Variants in TM9SF2 observed in about 807,000 individuals in gnomAD.
The protein encoded by TM9SF2 is transmembrane 9 superfamily member 2, also known as 76 kDa membrane protein.
A neutral mutation model predicts 84.9 loss-of-function variants in TM9SF2; 13 were observed. The observed-to-expected ratio is 0.15, with a 90% CI of 0.10 to 0.24. TM9SF2 has a LOEUF of 0.24. Ranked by LOEUF, TM9SF2 falls within the 10% of genes least tolerant of loss-of-function variation. The pLI is 1.00. For missense variants in TM9SF2, 562 were observed against 818.5 expected, an observed-to-expected ratio of 0.69 and a Z score of 3.82; for synonymous variants, 273 against 285.8, an observed-to-expected ratio of 0.96 and a Z score of 0.45.
chr13:99,548,738 A>G (rs529891794), intron 11 of TM9SF2, among the ~76,000 whole-genome samples: 1 of 152,326 alleles, frequency 6.6e-6, no homozygotes, highest in South Asian at 2.1e-4. Context: ...CTAGAGGAAG[A>G]GTTGGCCTAC....
chr13:99,535,730 C>T (rs1653737384), intron 4 of TM9SF2, among the ~76,000 whole-genome samples: 1 of 152,052 alleles, frequency 6.6e-6, no homozygotes, highest in African/African-American at 2.4e-5. Flanking sequence ...ATAAAACATG[C>T]CCTGGAGTGT....
At chr13:99,553,402 G>A (rs1384407715) in intron 13 of TM9SF2, among the ~76,000 whole-genome samples, 2 of 152,294 alleles carry the variant, frequency 1.3e-5, no homozygotes, top group Non-Finnish European at 2.9e-5. Flanking sequence ...GTAGTGAACT[G>A]ACAGGGTTTG....
At chr13:99,512,554 A>AC (rs906381020) in intron 1 of TM9SF2, among the ~76,000 whole-genome samples, 39 of 151,772 alleles carry the variant, frequency 2.6e-4, no homozygotes, top group African/African-American at 8.7e-4. Context: ...GGGTGTGAAA[A>AC]CCCCCCGTGG....
At chr13:99,533,081 C>T (rs920691430) in intron 4 of TM9SF2, among the ~76,000 whole-genome samples, 1 of 152,138 alleles carries the variant, frequency 6.6e-6, no homozygotes, top group African/African-American at 2.4e-5. Flanking sequence ...TAAGCATAGA[C>T]AGTAGAGTTG....
chr13:99,559,212 G>A, intron 15 of TM9SF2, 151 bp from the exon 16 acceptor site: 1 of 606,558 alleles, frequency 1.6e-6, no homozygotes. Flanking sequence ...GAGTGGAATG[G>A]GTGAAGTTCA....
chr13:99,505,308 A>G (rs891511402), intron 1 of TM9SF2, among the ~76,000 whole-genome samples: 1 of 152,066 alleles, frequency 6.6e-6, no homozygotes, highest in Non-Finnish European at 1.5e-5. Context: ...GCCTGCCACC[A>G]TGCCCGGCTA....
chr13:99,531,156 C>T lies in TM9SF2; in HGVS notation c.461+1562C>T, dbSNP rs149682574. ...AATTATAGGTGTGAGCCACTGCGCCCGGTCAAACATAGAATATTTTTAAAG... is the reference window on the plus strand; with the variant it reads ...AATTATAGGTGTGAGCCACTGCGCCTGGTCAAACATAGAATATTTTTAAAG... On this transcript the variant is annotated intron_variant, in intron 4 of 16. Coordinates refer to ENST00000376387, the MANE Select transcript of TM9SF2 (RefSeq NM_004800.3). Among the ~76,000 whole-genome samples the T allele has an allele frequency of 4.2e-3, 642 of 152,106 alleles. 5 individuals are homozygous for T. Among genetic ancestry groups the T allele is most frequent in the African/African-American group, 0.014 (584 of 41,492 alleles).
chr13:99,550,915 A>G (rs1190921347), intron 12 of TM9SF2, among the ~76,000 whole-genome samples: 1 of 152,214 alleles, frequency 6.6e-6, no homozygotes, highest in East Asian at 1.9e-4. Context: ...TTCTGTTCAC[A>G]GTAAAGGAGG....
At chr13:99,560,515 A>G (rs1358012802) in intron 16 of TM9SF2, among the ~76,000 whole-genome samples, 1 of 152,172 alleles carries the variant, frequency 6.6e-6, no homozygotes, top group East Asian at 1.9e-4. Context: ...GAAACAAGGA[A>G]TGACTGTTTT....
chr13:99,522,296 C>T (rs1449852067), intron 3 of TM9SF2, among the ~76,000 whole-genome samples: 2 of 152,226 alleles, frequency 1.3e-5, no homozygotes, highest in African/African-American at 4.8e-5. Context: ...GCTGAGATTA[C>T]AGGCATGAGC....
intron 1 of TM9SF2, among the ~76,000 whole-genome samples, chr13:99,506,103 T>C (rs1007757759): frequency 6.6e-6 from 1 of 152,240 alleles, no homozygotes; most frequent in African/African-American, 2.4e-5. Context: ...TTCTTGGTAG[T>C]TATTTTTAGA....
chr13:99,529,590 C>T lies in TM9SF2; in HGVS notation c.457C>T (p.His153Tyr), dbSNP rs2046199099. Residue 153 changes from histidine (H) to tyrosine (Y), a missense_variant, in exon 4 of 17, where the codon CAC (histidine) becomes TAC (tyrosine). His to Tyr is a moderately conservative substitution (Grantham distance 83). Transcript: ENST00000376387. ...KKSMLLNYQHHWIVDNMPVTW... is the reference protein window; with the variant it reads ...KKSMLLNYQHYWIVDNMPVTW... Reference sequence around the variant, plus strand: ...AAGCATGTTATTGAATTATCAACATCACTGGTAAGGCATGAATATTTTCGA... The same window carrying T: ...AAGCATGTTATTGAATTATCAACATTACTGGTAAGGCATGAATATTTTCGA... 6.4e-7 allele frequency: 1 copy of T among 1,569,814 alleles called. No homozygotes were observed. Among genetic ancestry groups the T allele is most frequent in the Non-Finnish European group, 8.6e-7 (1 of 1,163,696 alleles).
At chr13:99,510,479 C>G (rs117960643) in intron 1 of TM9SF2, among the ~76,000 whole-genome samples, 1,785 of 152,256 alleles carry the variant, frequency 0.012, 32 homozygotes, top group Non-Finnish European at 0.014. Flanking sequence ...GCAGGCTGTA[C>G]AAGCATGCAC....
intron 1 of TM9SF2, among the ~76,000 whole-genome samples, chr13:99,512,431 T>TA (rs954931364): frequency 1.3e-5 from 2 of 152,068 alleles, no homozygotes; most frequent in African/African-American, 4.8e-5. Context: ...CTTCATCAGA[T>TA]CAGGAAGGGT....
chr13:99,508,628 C>T (rs931861831), intron 1 of TM9SF2, among the ~76,000 whole-genome samples: 7 of 152,138 alleles, frequency 4.6e-5, no homozygotes, highest in African/African-American at 1.2e-4. Flanking sequence ...GCACGGACAT[C>T]GCTCGACTTC....
Position 99,501,763 on chromosome 13 carries a change from A to G in TM9SF2, c.157A>G (p.Ser53Gly), listed in dbSNP as rs745644109. ...PVNFCDEEKK[S>G]DECKAEIELF... ...CAACTTCTGCGACGAAGAAAAAAAG[A>G]GCGACGAGTGCAAGGTGGGTGAGGC... is the stretch of plus-strand genomic sequence containing the variant. Residue 53 changes from serine (S) to glycine (G), a missense_variant, in exon 1 of 17, where the codon AGC (serine) becomes GGC (glycine). Ser to Gly is a moderately conservative substitution (Grantham distance 56). Transcript: ENST00000376387. 6.2e-7 allele frequency: 1 copy of G among 1,610,990 alleles called. No individual in the cohort carries two copies. The highest frequency in any genetic ancestry group is 1.7e-5 in the Admixed American group (1 of 59,642).
intron 4 of TM9SF2, among the ~76,000 whole-genome samples, chr13:99,532,565 C>G (rs953735314): frequency 1.4e-4 from 21 of 152,034 alleles, no homozygotes; most frequent in Non-Finnish European, 2.5e-4. Context: ...TGGCAGGCGC[C>G]TGTAATCCCA....
chr13:99,546,916 TTCTC>T, intron 10 of TM9SF2, 65 bp from the exon 11 acceptor site: 1 of 1,593,158 alleles, frequency 6.3e-7, no homozygotes, highest in Non-Finnish European at 8.6e-7. Context: ...ATGAGAGGGT[TTCTC>T]TATCATTTCA....
intron 3 of TM9SF2, among the ~76,000 whole-genome samples, chr13:99,520,739 T>G (rs780086717): frequency 2.0e-5 from 3 of 152,150 alleles, no homozygotes; most frequent in Non-Finnish European, 4.4e-5. Flanking sequence ...CAGCCAACTT[T>G]TTGTATTTTT....
Sources: allele counts gnomAD v4.1 joint callset (sites outside exome capture counted in the v4.1 genomes callset), GRCh38; gene constraint gnomAD v4.1.1; transcripts MANE v1.5; gene names NCBI Gene and HGNC (gene_info 2026-07-23, HGNC 2026-07-21).